Variants in RBFOX1 observed in about 807,000 individuals in gnomAD.
The protein encoded by RBFOX1 is RNA binding fox-1 homolog 1.
Under a neutral mutation model 57.7 loss-of-function variants are expected in RBFOX1, and 8 were observed. The ratio of observed to expected loss-of-function variants is 0.14; its 90% confidence interval spans 0.08 to 0.25. The LOEUF (loss-of-function observed/expected upper bound fraction) is 0.25. RBFOX1 is among the 10% of genes least tolerant of loss of function. The probability of loss-of-function intolerance (pLI) is 1.00; values close to 1 mark genes in which losing one functional copy is unlikely to be tolerated. For synonymous variants in RBFOX1, 326 were observed against 222.4 expected (o/e 1.47, Z -4.15); for missense variants, 611 against 548.5 (o/e 1.11, Z -1.14).
chr16:6,769,371 G>C (rs1244008910), intron 3 of RBFOX1, among the ~76,000 whole-genome samples: 2 of 152,186 alleles, frequency 1.3e-5, no homozygotes, highest in Non-Finnish European at 2.9e-5. Context: ...CTAGGCTTGA[G>C]TATGTCTTTA....
intron 3 of RBFOX1, among the ~76,000 whole-genome samples, chr16:5,745,105 A>C (rs1410758293): frequency 1.3e-5 from 2 of 151,912 alleles, no homozygotes; most frequent in African/African-American, 4.8e-5. Context: ...CCCCCACCTC[A>C]TGACAGGCCC....
chr16:7,661,355 C>T (rs931895617), intron 12 of RBFOX1, among the ~76,000 whole-genome samples: 2 of 152,134 alleles, frequency 1.3e-5, no homozygotes, highest in South Asian at 4.1e-4. Context: ...AATGCTTATA[C>T]GTTTCCCCCC....
At chr16:7,330,650 A>G (rs1375075097) in intron 4 of RBFOX1, among the ~76,000 whole-genome samples, 3 of 152,078 alleles carry the variant, frequency 2.0e-5, no homozygotes, top group Non-Finnish European at 1.5e-5. Context: ...GTAAGGGGAT[A>G]TAGTTACCTC....
intron 3 of RBFOX1, among the ~76,000 whole-genome samples, chr16:6,807,590 G>C (rs2087176935): frequency 6.6e-6 from 1 of 152,072 alleles, no homozygotes; most frequent in Non-Finnish European, 1.5e-5. Flanking sequence ...GCCTGAGGCA[G>C]GCAGATCACA....
intron 2 of RBFOX1, among the ~76,000 whole-genome samples, chr16:6,559,423 C>T (rs2097149908): frequency 2.0e-5 from 3 of 152,050 alleles, no homozygotes; most frequent in Admixed American, 2.0e-4. Context: ...AGTACCACTG[C>T]TGAGATCATC....
intron 3 of RBFOX1, among the ~76,000 whole-genome samples, chr16:5,843,041 C>A (rs980098792): frequency 1.9e-4 from 29 of 152,046 alleles, no homozygotes; most frequent in Admixed American, 7.2e-4. Flanking sequence ...GTTGGCCAGG[C>A]TGGTCTCGAA....
At chr16:6,505,836 G>C (rs1374309108) in intron 2 of RBFOX1, among the ~76,000 whole-genome samples, 1 of 152,164 alleles carries the variant, frequency 6.6e-6, no homozygotes, top group African/African-American at 2.4e-5. Flanking sequence ...ATGTATCCAG[G>C]TCCTACTCAG....
intron 3 of RBFOX1, among the ~76,000 whole-genome samples, chr16:6,861,823 GTTT>G (rs35138717): frequency 1.7e-4 from 16 of 92,452 alleles, no homozygotes; most frequent in African/African-American, 3.4e-4. Context: ...GCGTCCCTTG[GTTT>G]TTTTTTTTTT....
At chr16:7,365,085 C>CT (rs1400928174) in intron 4 of RBFOX1, among the ~76,000 whole-genome samples, 3 of 152,204 alleles carry the variant, frequency 2.0e-5, no homozygotes, top group Non-Finnish European at 2.9e-5. Context: ...ATCTATCTAT[C>CT]TATCCATCCA....
At chr16:6,584,695 C>A (rs1330645532) in intron 2 of RBFOX1, among the ~76,000 whole-genome samples, 1 of 151,960 alleles carries the variant, frequency 6.6e-6, no homozygotes, top group Non-Finnish European at 1.5e-5. Flanking sequence ...ATACAGCACC[C>A]CTGAATGACC....
chr16:6,559,842 T>C (rs1274874306), intron 2 of RBFOX1, among the ~76,000 whole-genome samples: 4 of 152,110 alleles, frequency 2.6e-5, no homozygotes, highest in African/African-American at 9.7e-5. Context: ...TCCCTGAAGC[T>C]CCCTTATCTG....
At chr16:6,885,427 C>G (rs1364142015) in intron 3 of RBFOX1, among the ~76,000 whole-genome samples, 2 of 152,234 alleles carry the variant, frequency 1.3e-5, no homozygotes, top group East Asian at 3.8e-4. Flanking sequence ...TTAATAACAG[C>G]TGAGTTCTAT....
At chr16:5,858,119 A>G (rs2057118620) in intron 3 of RBFOX1, among the ~76,000 whole-genome samples, 1 of 152,118 alleles carries the variant, frequency 6.6e-6, no homozygotes, top group Admixed American at 6.6e-5. Context: ...TTGGCAAGCT[A>G]AAGGCTCCCT....
intron 4 of RBFOX1, among the ~76,000 whole-genome samples, chr16:7,321,995 G>T: frequency 6.6e-6 from 1 of 152,314 alleles, no homozygotes; most frequent in Middle Eastern, 3.4e-3. Context: ...TCACATCTCT[G>T]TCTTGTCTGC....
chr16:7,595,525 T>C (rs1189985754), intron 7 of RBFOX1, 24 bp from the exon 8 acceptor site: 1 of 1,521,162 alleles, frequency 6.6e-7, no homozygotes, highest in Non-Finnish European at 8.9e-7. Flanking sequence ...GCATGTTGTT[T>C]TCCCTTCTCC....
intron 4 of RBFOX1, among the ~76,000 whole-genome samples, chr16:7,346,566 C>A (rs957992413): frequency 6.6e-6 from 1 of 151,722 alleles, no homozygotes; most frequent in African/African-American, 2.4e-5. Flanking sequence ...TGCTCCTCTG[C>A]CATCCTGGTT....
chr16:5,576,990 C>T (rs76554492), intron 2 of RBFOX1, among the ~76,000 whole-genome samples: 10,562 of 152,242 alleles, frequency 0.069, 1,080 homozygotes, highest in African/African-American at 0.22. Flanking sequence ...TGCTAAAGTT[C>T]AGAACCCTCG....
At chr16:5,266,408 A>C (rs1037195915) in intron 1 of RBFOX1, among the ~76,000 whole-genome samples, 1 of 152,106 alleles carries the variant, frequency 6.6e-6, no homozygotes, top group African/African-American at 2.4e-5. Flanking sequence ...CTGCTCTCAT[A>C]AAGGACAATG....
intron 5 of RBFOX1, among the ~76,000 whole-genome samples, chr16:7,559,574 C>G (rs1212060392): frequency 6.6e-6 from 1 of 152,132 alleles, no homozygotes; most frequent in East Asian, 1.9e-4. Context: ...GTGTGCAAAC[C>G]CTGATACACG....
Sources: allele counts gnomAD v4.1 joint callset (sites outside exome capture counted in the v4.1 genomes callset), GRCh38; gene constraint gnomAD v4.1.1; transcripts MANE v1.5; gene names NCBI Gene and HGNC (gene_info 2026-07-23, HGNC 2026-07-21).